RPRD2: variants seen among roughly 807,000 people sequenced by gnomAD.
The protein encoded by RPRD2 is regulation of nuclear pre-mRNA domain-containing protein 2.
In RPRD2, 12 loss-of-function variants were observed where a neutral mutation model predicts 104.4. The observed-to-expected ratio is 0.11, with a 90% CI of 0.07 to 0.19. The LOEUF (loss-of-function observed/expected upper bound fraction) is 0.19. Among genes scored for constraint, RPRD2 ranks in the 10% least tolerant of loss-of-function variants. RPRD2 has a pLI of 1.00. For missense variants in RPRD2, 1,543 were observed against 1,790.1 expected, an observed-to-expected ratio of 0.86 and a Z score of 2.49; for synonymous variants, 714 against 684.9, an observed-to-expected ratio of 1.04 and a Z score of -0.66.
rs377727466 is a variant in RPRD2 at position 150,472,493 on chromosome 1, G to T, written c.3545G>T (p.Arg1182Leu). ...PQFQESVGSFRSNSFNSTFEH... is the reference protein window; with the variant it reads ...PQFQESVGSFLSNSFNSTFEH... Reference sequence around the variant, plus strand: ...TTTCAGGAGAGTGTCGGCAGCTTTCGTTCCAACAGTTTCAACTCAACATTT... The same window carrying T: ...TTTCAGGAGAGTGTCGGCAGCTTTCTTTCCAACAGTTTCAACTCAACATTT... Residue 1182 changes from arginine (R) to leucine (L), a missense_variant, in exon 11 of 11, where the codon CGT becomes CTT. By Grantham distance (102) the Arg-to-Leu change is moderately radical. This residue lies in a region of RPRD2 where 880 missense variants were observed against 885.6 expected (regional missense o/e 0.99). Coordinates refer to ENST00000369068, the MANE Select transcript of RPRD2 (RefSeq NM_015203.5). 6.2e-7 allele frequency: 1 copy of T among 1,613,888 alleles called. No individual in the cohort carries two copies. Among genetic ancestry groups the T allele is most frequent in the South Asian group, 1.1e-5 (1 of 91,078 alleles).
chr1:150,431,809 G>C (rs368096058), intron 2 of RPRD2, among the ~76,000 whole-genome samples: 1 of 151,922 alleles, frequency 6.6e-6, no homozygotes, highest in African/African-American at 2.4e-5. Context: ...AATACATGCC[G>C]CAGCATGGGT....
chr1:150,426,187 C>T (rs782023185), intron 2 of RPRD2, among the ~76,000 whole-genome samples: 2 of 152,196 alleles, frequency 1.3e-5, no homozygotes, highest in Non-Finnish European at 2.9e-5. Context: ...ACCAGCTCTC[C>T]TGAATCCCAG....
At chr1:150,394,660 CGGCTCACTGCAACCTCAGCCTCCCG>C (rs1662351907) in intron 1 of RPRD2, among the ~76,000 whole-genome samples, 1 of 151,960 alleles carries the variant, frequency 6.6e-6, no homozygotes, top group African/African-American at 2.4e-5. Flanking sequence ...GGCATGATCT[CGGCTCACTGCAACCTCAGCCTCCCG>C]GGTTCAAGCA....
intron 1 of RPRD2, among the ~76,000 whole-genome samples, chr1:150,401,357 G>A (rs1008657252): frequency 1.3e-5 from 2 of 151,950 alleles, no homozygotes; most frequent in Non-Finnish European, 1.5e-5. Context: ...GTATGGTGGT[G>A]CAAGCCTGTA....
intron 5 of RPRD2, among the ~76,000 whole-genome samples, chr1:150,443,943 G>C (rs1298859713): frequency 1.3e-5 from 2 of 152,038 alleles, no homozygotes; most frequent in Non-Finnish European, 2.9e-5. Flanking sequence ...GCATGAACCC[G>C]GGAGGCGGAG....
intron 3 of RPRD2, 122 bp from the exon 4 acceptor site, chr1:150,441,755 AAAGG>A (rs2102357453): frequency 3.7e-6 from 2 of 542,838 alleles, no homozygotes; most frequent in Non-Finnish European, 6.5e-6. Context: ...AAATGAAAGA[AAAGG>A]AAAGAAAGAA....
chr1:150,469,872 C>A lies in RPRD2; in HGVS notation c.1613-689C>A, dbSNP rs761599855. Among the ~76,000 whole-genome samples the A allele has an allele frequency of 2.6e-5, 4 of 152,170 alleles. No individual in the cohort carries two copies. In the East Asian group the frequency reaches 7.7e-4, roughly 29 times the overall value. On this transcript the variant is annotated intron_variant, in intron 10 of 10. Coordinates refer to ENST00000369068, the MANE Select transcript of RPRD2 (RefSeq NM_015203.5). ...TGTTTTCTTGTGAAAGGACCAGTGTCCCTGGTGGTCTGTCTTTGTAAGTCT... is the reference window on the plus strand; with the variant it reads ...TGTTTTCTTGTGAAAGGACCAGTGTACCTGGTGGTCTGTCTTTGTAAGTCT...
At chr1:150,392,021 A>C (rs1268023399) in intron 1 of RPRD2, among the ~76,000 whole-genome samples, 3 of 151,902 alleles carry the variant, frequency 2.0e-5, no homozygotes, top group South Asian at 2.1e-4. Flanking sequence ...GTGTTGCTCA[A>C]GGCCCATCTC....
intron 1 of RPRD2, among the ~76,000 whole-genome samples, chr1:150,392,341 C>T (rs587726088): frequency 7.9e-5 from 12 of 152,236 alleles, no homozygotes; most frequent in East Asian, 7.7e-4. Flanking sequence ...CCCATCTCTA[C>T]GAAAAATACA....
At chr1:150,423,268 A>G (rs1218714543) in intron 2 of RPRD2, among the ~76,000 whole-genome samples, 3 of 152,184 alleles carry the variant, frequency 2.0e-5, no homozygotes, top group African/African-American at 7.2e-5. Flanking sequence ...GAAACTGTGG[A>G]CTACTCTGCA....
At chr1:150,411,788 C>CAAAAAAAAAAAAA (rs71086508) in intron 1 of RPRD2, among the ~76,000 whole-genome samples, 1 of 70,730 alleles carries the variant, frequency 1.4e-5, no homozygotes, top group African/African-American at 9.1e-5. Flanking sequence ...TAGACTGTCT[C>CAAAAAAAAAAAAA]AAAAAAAAAA....
rs781943530 is a variant in RPRD2, at chr1:150,417,743, G to T, written c.335+18G>T. ...CTAGTGAAGTAAGTAAATCTTTATT[G>T]CTCTATGGGATCTAAACTTAGACAA... On this transcript the variant is annotated intron_variant, in intron 2 of 10. Coordinates refer to ENST00000369068, the MANE Select transcript of RPRD2 (RefSeq NM_015203.5). 1.3e-6 allele frequency: 2 copies of T among 1,552,612 alleles called. No homozygotes were observed. Among genetic ancestry groups the T allele is most frequent in the Non-Finnish European group, 1.8e-6 (2 of 1,141,990 alleles).
intron 2 of RPRD2, among the ~76,000 whole-genome samples, chr1:150,440,517 G>C (rs1553894171): frequency 6.6e-6 from 1 of 152,136 alleles, no homozygotes; most frequent in Non-Finnish European, 1.5e-5. Context: ...TACAGTATGT[G>C]ATTGGTTCAT....
intron 2 of RPRD2, among the ~76,000 whole-genome samples, chr1:150,424,729 G>C (rs1029239522): frequency 4.6e-5 from 7 of 152,116 alleles, no homozygotes; most frequent in Non-Finnish European, 8.8e-5. Flanking sequence ...TATTATTTCT[G>C]TTCTGCCAAA....
At chr1:150,380,309 C>G (rs1440846675) in intron 1 of RPRD2, among the ~76,000 whole-genome samples, 1 of 152,160 alleles carries the variant, frequency 6.6e-6, no homozygotes, top group African/African-American at 2.4e-5. Context: ...GCTCAGGTGT[C>G]ATCTCCTTGG....
intron 9 of RPRD2, among the ~76,000 whole-genome samples, chr1:150,462,445 CA>C (rs1201864402): frequency 5.9e-5 from 7 of 118,334 alleles, no homozygotes; most frequent in Non-Finnish European, 1.1e-4. Flanking sequence ...ACTCTTGTCT[CA>C]AAAAAAAACA....
chr1:150,396,149 A>C (rs77728939), intron 1 of RPRD2, among the ~76,000 whole-genome samples: 4 of 149,596 alleles, frequency 2.7e-5, no homozygotes, highest in Non-Finnish European at 5.9e-5. Context: ...TTCTTTTGAA[A>C]ATCGTGTATT....
At chr1:150,429,007 CAAAG>C (rs1665368174) in intron 2 of RPRD2, among the ~76,000 whole-genome samples, 1 of 150,848 alleles carries the variant, frequency 6.6e-6, no homozygotes. Flanking sequence ...ACTTAAAAAT[CAAAG>C]AAGAAAAGGT....
intron 2 of RPRD2, among the ~76,000 whole-genome samples, chr1:150,423,025 T>G (rs1265753106): frequency 2.6e-5 from 4 of 152,240 alleles, no homozygotes; most frequent in Non-Finnish European, 4.4e-5. Flanking sequence ...AACCTGGAGA[T>G]TGTATTTTAG....
Sources: allele counts gnomAD v4.1 joint callset (sites outside exome capture counted in the v4.1 genomes callset), GRCh38; gene constraint gnomAD v4.1.1; regional missense constraint gnomAD v4.1.1; transcripts MANE v1.5; gene names NCBI Gene and HGNC (gene_info 2026-07-23, HGNC 2026-07-21).